SERPINB7: variants seen among roughly 807,000 people sequenced by gnomAD.
The protein encoded by SERPINB7 is serpin family B member 7.
SERPINB7 carries 31 observed loss-of-function variants against 37.4 expected under a neutral mutation model. That is an observed-to-expected ratio of 0.83 (90% CI 0.62 to 1.12). The LOEUF (loss-of-function observed/expected upper bound fraction) is 1.12, where lower values mean the gene tolerates loss of function less well. Among genes scored for constraint, SERPINB7 ranks in the 50% most tolerant of loss-of-function variants. SERPINB7 has a pLI of 0.00. For synonymous variants in SERPINB7, 163 were observed against 166.1 expected (o/e 0.98, Z 0.14); for missense variants, 521 against 455.3 (o/e 1.14, Z -1.31).
chr18:63,774,832 A>T (rs145512661), upstream of SERPINB7, among the ~76,000 whole-genome samples: 1,375 of 152,226 alleles, frequency 9.0e-3, 20 homozygotes, highest in African/African-American at 0.032. Flanking sequence ...GTTTCTCTGG[A>T]AAATTCCAAG....
At position 63,805,341 on chromosome 18, in the gene SERPINB7, C is replaced by T. The variant is rs1051434291; in HGVS notation, c.*706C>T. On this transcript the variant is annotated 3_prime_UTR_variant, in exon 8 of 8. Coordinates refer to ENST00000398019, the MANE Select transcript of SERPINB7 (RefSeq NM_003784.4). ...GCTGTGTAGTTTATAAGTTTTTTCT[C>T]TATTTATCAGAATAAAGAAATACAA... 1 of 152,104 alleles carries T rather than the reference C, an allele frequency of 6.6e-6. No individual in the cohort carries two copies. The highest frequency in any genetic ancestry group is 2.4e-5 in the African/African-American group (1 of 41,408). The allele number at this position is 152,104 out of a possible 1,614,324, so 9.4% of individuals were successfully genotyped here.
chr18:63,784,194 G>C (rs951486088), intron 2 of SERPINB7, among the ~76,000 whole-genome samples: 1 of 152,062 alleles, frequency 6.6e-6, no homozygotes, highest in Admixed American at 6.5e-5. Flanking sequence ...GGTAGATGGC[G>C]GACCTGAGAT....
intron 4 of SERPINB7, among the ~76,000 whole-genome samples, chr18:63,794,257 T>TG (rs1043999323): frequency 1.3e-5 from 2 of 150,856 alleles, no homozygotes; most frequent in African/African-American, 4.9e-5. Flanking sequence ...CCACTACATC[T>TG]GGCCTGAGTT....
Position 63,804,340 on chromosome 18 carries a change from A to G in SERPINB7, c.848A>G (p.Lys283Arg). Reference protein sequence around the residue: ...EVFFPQFKIEKNYEMKQYLRA... With the variant: ...EVFFPQFKIERNYEMKQYLRA... Reference sequence around the variant, plus strand: ...TTTTTTCCTCAGTTCAAGATAGAGAAGAATTATGAAATGAAACAATATTTG... The same window carrying G: ...TTTTTTCCTCAGTTCAAGATAGAGAGGAATTATGAAATGAAACAATATTTG... Residue 283 changes from lysine (K) to arginine (R), a missense_variant, in exon 8 of 8, where the codon AAG (lysine) becomes AGG (arginine). By Grantham distance (26) the Lys-to-Arg change is conservative. Transcript: ENST00000398019. 3 of 1,613,710 alleles carry G rather than the reference A, an allele frequency of 1.9e-6. No individual in the cohort carries two copies. The highest frequency in any genetic ancestry group is 2.5e-6 in the Non-Finnish European group (3 of 1,179,784).
intron 1 of SERPINB7, among the ~76,000 whole-genome samples, chr18:63,777,001 A>G (rs911471774): frequency 6.6e-6 from 1 of 152,094 alleles, no homozygotes; most frequent in South Asian, 2.1e-4. Flanking sequence ...CAATTTTAGC[A>G]TTAATCATAC....
At chr18:63,756,895 T>C (rs2049125751) in intron 1 of SERPINB7, among the ~76,000 whole-genome samples, 1 of 151,782 alleles carries the variant, frequency 6.6e-6, no homozygotes, top group South Asian at 2.1e-4. Context: ...TTCTTTGTAG[T>C]TGGCAATAAA....
intron 2 of SERPINB7, among the ~76,000 whole-genome samples, chr18:63,791,067 T>C (rs1011829159): frequency 6.6e-6 from 1 of 152,098 alleles, no homozygotes; most frequent in African/African-American, 2.4e-5. Context: ...ATATTCTCAC[T>C]CTTAAGTGGG....
chr18:63,795,762 T>C (rs1167604364), intron 4 of SERPINB7, among the ~76,000 whole-genome samples: 3 of 152,126 alleles, frequency 2.0e-5, no homozygotes, highest in Non-Finnish European at 4.4e-5. Context: ...ATGGCATTTT[T>C]GAGCAACTGT....
At chr18:63,799,659 C>T (rs913754018) in intron 6 of SERPINB7, among the ~76,000 whole-genome samples, 18 of 152,156 alleles carry the variant, frequency 1.2e-4, no homozygotes, top group African/African-American at 4.1e-4. Context: ...GTGAGACATC[C>T]TGTCTATCAC....
chr18:63,761,494 T>C (rs2049153465), intron 1 of SERPINB7, among the ~76,000 whole-genome samples: 1 of 152,180 alleles, frequency 6.6e-6, no homozygotes, highest in Non-Finnish European at 1.5e-5. Flanking sequence ...AAGGCGTGAT[T>C]GGTTTTAAAA....
chr18:63,796,900 T>C (rs2049494468), intron 5 of SERPINB7, among the ~76,000 whole-genome samples: 1 of 152,188 alleles, frequency 6.6e-6, no homozygotes, highest in Non-Finnish European at 1.5e-5. Context: ...AACATTCTAC[T>C]GTCAAAGAAA....
chr18:63,800,758 T>G, intron 6 of SERPINB7, 108 bp from the exon 7 acceptor site: 1 of 1,249,686 alleles, frequency 8.0e-7, no homozygotes, highest in South Asian at 1.5e-5. Flanking sequence ...ATCTGCAGGG[T>G]CAACTGAGCA....
chr18:63,801,182 T>C (rs2049544929), intron 7 of SERPINB7, among the ~76,000 whole-genome samples, 170 bp downstream of exon 7: 1 of 152,234 alleles, frequency 6.6e-6, no homozygotes, highest in Admixed American at 6.5e-5. Context: ...GAGCCAGACA[T>C]CATTATAGTT....
At chr18:63,762,916 C>G (rs947295475) in intron 1 of SERPINB7, among the ~76,000 whole-genome samples, 1 of 152,054 alleles carries the variant, frequency 6.6e-6, no homozygotes, top group Non-Finnish European at 1.5e-5. Context: ...AATTTAATTA[C>G]CTGCATGTTC....
intron 1 of SERPINB7, among the ~76,000 whole-genome samples, chr18:63,754,624 C>G (rs1296623066): frequency 1.3e-5 from 2 of 152,144 alleles, no homozygotes; most frequent in East Asian, 1.9e-4. Context: ...ATCAGTCCCT[C>G]CCTTGGAGCC....
At chr18:63,764,605 G>A (rs184530977) in intron 1 of SERPINB7, among the ~76,000 whole-genome samples, 14 of 151,878 alleles carry the variant, frequency 9.2e-5, no homozygotes, top group Non-Finnish European at 1.5e-4. Flanking sequence ...TATTTCTCTC[G>A]AAAAATAAAC....
chr18:63,794,110 ATT>A (rs34450022), intron 4 of SERPINB7, among the ~76,000 whole-genome samples: 14,389 of 105,108 alleles, frequency 0.14, 417 homozygotes, highest in Non-Finnish European at 0.17. Flanking sequence ...CATCCTGCTA[ATT>A]TTTTTTTTTT....
intron 7 of SERPINB7, among the ~76,000 whole-genome samples, chr18:63,803,781 A>G (rs1454003479): frequency 6.6e-6 from 1 of 152,220 alleles, no homozygotes; most frequent in African/African-American, 2.4e-5. Flanking sequence ...TCCTTGCCTC[A>G]GGCCACGTGG....
intron 1 of SERPINB7, among the ~76,000 whole-genome samples, chr18:63,762,570 A>T (rs1319149097): frequency 1.3e-5 from 2 of 152,230 alleles, no homozygotes; most frequent in Non-Finnish European, 2.9e-5. Flanking sequence ...CTGCAGGCAC[A>T]GTCAGGAGAA....
Sources: allele counts gnomAD v4.1 joint callset (sites outside exome capture counted in the v4.1 genomes callset), GRCh38; gene constraint gnomAD v4.1.1; transcripts MANE v1.5; gene names NCBI Gene and HGNC (gene_info 2026-07-23, HGNC 2026-07-21).